The following CDH18 variants were observed in gnomAD, a reference collection of about 807,000 sequenced individuals.
The protein encoded by CDH18 is cadherin 18, also known as cadherin-18.
CDH18 carries 31 observed loss-of-function variants against 67.9 expected under a neutral mutation model. The observed-to-expected ratio is 0.46, with a 90% CI of 0.34 to 0.62. The LOEUF is 0.62. Ranked by LOEUF, CDH18 falls within the 20% of genes least tolerant of loss-of-function variation. CDH18 has a pLI of 0.01. For synonymous variants in CDH18, 362 were observed against 347.2 expected, an observed-to-expected ratio of 1.04 and a Z score of -0.48; for missense variants, 890 against 975.5, an observed-to-expected ratio of 0.91 and a Z score of 1.17.
chr5:20,280,831 A>C (rs1040355283), intron 1 of CDH18, among the ~76,000 whole-genome samples: 11 of 152,198 alleles, frequency 7.2e-5, no homozygotes, highest in African/African-American at 2.2e-4. Flanking sequence ...CCAACAGTGT[A>C]AAAGTGTTCC....
intron 2 of CDH18, among the ~76,000 whole-genome samples, chr5:20,218,068 C>G (rs1304457698): frequency 6.6e-6 from 1 of 151,786 alleles, no homozygotes; most frequent in Non-Finnish European, 1.5e-5. Context: ...ACGATAATAG[C>G]TGGAGATTTT....
intron 1 of CDH18, among the ~76,000 whole-genome samples, chr5:20,548,778 A>T (rs1050650920): frequency 2.6e-5 from 4 of 152,152 alleles, no homozygotes; most frequent in African/African-American, 9.7e-5. Context: ...TGTTCTGTCC[A>T]ATCCTTATTT....
intron 1 of CDH18, among the ~76,000 whole-genome samples, chr5:20,290,446 C>T (rs1747019247): frequency 1.3e-5 from 2 of 152,170 alleles, no homozygotes; most frequent in Middle Eastern, 3.4e-3. Context: ...TATTTAAATG[C>T]CTGATGTAGT....
intron 2 of CDH18, among the ~76,000 whole-genome samples, chr5:20,076,214 T>TA (rs1319537053): frequency 6.6e-6 from 1 of 152,132 alleles, no homozygotes; most frequent in East Asian, 1.9e-4. Context: ...TAATAACACA[T>TA]ATCAGGTATA....
At chr5:20,119,227 T>G (rs1223260668) in intron 2 of CDH18, among the ~76,000 whole-genome samples, 1 of 152,178 alleles carries the variant, frequency 6.6e-6, no homozygotes, top group Non-Finnish European at 1.5e-5. Flanking sequence ...TAATTATCTT[T>G]TGCCTCTAGT....
At chr5:20,431,504 A>AAGAAGAAG (rs1553997939) in intron 1 of CDH18, among the ~76,000 whole-genome samples, 1 of 138,744 alleles carries the variant, frequency 7.2e-6, no homozygotes, top group Non-Finnish European at 1.5e-5. Context: ...AAAAAAAAAA[A>AAGAAGAAG]AAGAAGAAGA....
chr5:19,865,545 T>C (rs1171281236), intron 2 of CDH18, among the ~76,000 whole-genome samples: 1 of 152,110 alleles, frequency 6.6e-6, no homozygotes, highest in East Asian at 1.9e-4. Flanking sequence ...CAGGAAGTCA[T>C]CTCTCCCCTA....
At chr5:20,105,584 C>T (rs1297977562) in intron 2 of CDH18, among the ~76,000 whole-genome samples, 1 of 151,742 alleles carries the variant, frequency 6.6e-6, no homozygotes, top group East Asian at 1.9e-4. Context: ...TCATTCCCTC[C>T]CTATAAACCA....
chr5:19,691,648 A>T (rs745648604), intron 5 of CDH18, among the ~76,000 whole-genome samples: 103 of 151,942 alleles, frequency 6.8e-4, no homozygotes, highest in Non-Finnish European at 1.2e-4. Flanking sequence ...AGCTATAAAA[A>T]TACCTAGGAA....
intron 4 of CDH18, among the ~76,000 whole-genome samples, chr5:19,739,470 G>A (rs149087771): frequency 1.3e-5 from 2 of 152,208 alleles, no homozygotes; most frequent in East Asian, 1.9e-4. Context: ...TGCGCTGTTC[G>A]AGCTCCTAGA....
Position 20,538,908 on chromosome 5 carries a change from T to C in CDH18, c.-580+36554A>G, listed in dbSNP as rs896734162. Among the ~76,000 whole-genome samples the C allele has an allele frequency of 1.0e-3, 132 of 130,598 alleles. 2 individuals carry two copies. The highest frequency in any genetic ancestry group is 3.9e-3 in the African/African-American group (123 of 31,268). 85.7% of individuals were successfully genotyped at this position (130,598 alleles called of 152,430 possible). On this transcript the variant is annotated intron_variant, in intron 1 of 14. Transcript: ENST00000507958. ...TCCACATAGCCAACTGTTTTTTTTT[T>C]GTTTTTTTTTTTTTTTGTCGCCCAG...
intron 1 of CDH18, among the ~76,000 whole-genome samples, chr5:20,365,668 A>G (rs1580839458): frequency 6.6e-6 from 1 of 152,274 alleles, no homozygotes; most frequent in South Asian, 2.1e-4. Flanking sequence ...ATTCCCCTAT[A>G]CCAGTTACAA....
At chr5:20,250,250 T>C (rs1018935048) in intron 2 of CDH18, among the ~76,000 whole-genome samples, 2 of 151,910 alleles carry the variant, frequency 1.3e-5, no homozygotes, top group Admixed American at 1.3e-4. Flanking sequence ...TTTAAAAATG[T>C]TTCAGTAATG....
At chr5:20,240,650 A>G (rs955009738) in intron 2 of CDH18, among the ~76,000 whole-genome samples, 44 of 152,212 alleles carry the variant, frequency 2.9e-4, no homozygotes, top group African/African-American at 1.0e-3. Flanking sequence ...AATAGTTCCT[A>G]ATTATTCTCT....
In CDH18 at chr5:19,748,196, T is replaced by G. The variant is rs1335294896; in HGVS notation, c.229-960A>C. On this transcript the variant is annotated intron_variant, in intron 3 of 12. Transcript: ENST00000382275. ...GGATTATAAAACTTTAACTCAAAATTTAAATAGCAGTAATATATTTAGTTG... is the reference window on the plus strand; with the variant it reads ...GGATTATAAAACTTTAACTCAAAATGTAAATAGCAGTAATATATTTAGTTG... Among the ~76,000 whole-genome samples, 12 of 148,904 alleles carry G rather than the reference T, an allele frequency of 8.1e-5. No individual in the cohort carries two copies. In the Admixed American group the frequency reaches 8.2e-4, roughly 10 times the overall value.
At chr5:19,957,930 G>A (rs1014675109) in intron 2 of CDH18, among the ~76,000 whole-genome samples, 18 of 151,948 alleles carry the variant, frequency 1.2e-4, no homozygotes, top group African/African-American at 4.1e-4. Flanking sequence ...TAATTTTCAT[G>A]CCAAAACATC....
chr5:20,312,447 T>A (rs951486714), intron 1 of CDH18, among the ~76,000 whole-genome samples: 3 of 152,126 alleles, frequency 2.0e-5, no homozygotes, highest in African/African-American at 7.2e-5. Context: ...GGGGACTATG[T>A]CTGTTCATTT....
At chr5:19,646,067 G>A (rs1227494057) in intron 5 of CDH18, among the ~76,000 whole-genome samples, 1 of 152,160 alleles carries the variant, frequency 6.6e-6, no homozygotes, top group African/African-American at 2.4e-5. Flanking sequence ...ACCTAAGACA[G>A]CAGAAATAGA....
chr5:20,538,024 C>T (rs1262501305), intron 1 of CDH18, among the ~76,000 whole-genome samples: 1 of 152,114 alleles, frequency 6.6e-6, no homozygotes, highest in Non-Finnish European at 1.5e-5. Flanking sequence ...GCAGCCCATT[C>T]TATTTTTTGA....
Sources: gnomAD v4.1 joint callset for allele counts (sites outside exome capture counted in the v4.1 genomes callset) on GRCh38, gnomAD v4.1.1 for gene constraint, MANE v1.5 for transcripts, NCBI Gene and HGNC (gene_info 2026-07-23, HGNC 2026-07-21) for gene names.